CNTN5: variants seen among roughly 807,000 people sequenced by gnomAD.
CNTN5 encodes the protein contactin-5.
A neutral mutation model predicts 129.1 loss-of-function variants in CNTN5; 77 were observed. The observed-to-expected ratio is 0.60, with a 90% CI of 0.50 to 0.72. The LOEUF (loss-of-function observed/expected upper bound fraction) is 0.72. CNTN5 is among the 30% of genes least tolerant of loss of function. The pLI is 0.00. For missense variants in CNTN5, 1,478 were observed against 1,328.8 expected (o/e 1.11, Z -1.75); for synonymous variants, 509 against 465.6 (o/e 1.09, Z -1.20).
intron 3 of CNTN5, among the ~76,000 whole-genome samples, chr11:99,779,048 A>G (rs2135378108): frequency 1.3e-5 from 2 of 152,004 alleles, no homozygotes; most frequent in East Asian, 3.9e-4. Context: ...TTTTAAAAAG[A>G]CACCCATTAT....
intron 3 of CNTN5, among the ~76,000 whole-genome samples, chr11:99,698,762 G>GA (rs1215247960): frequency 1.1e-4 from 16 of 150,954 alleles, no homozygotes; most frequent in Admixed American, 6.0e-4. Context: ...AAATTAGGGG[G>GA]AAAATAGAAA....
At chr11:99,155,032 A>G (rs1489140573) in intron 1 of CNTN5, among the ~76,000 whole-genome samples, 1 of 151,904 alleles carries the variant, frequency 6.6e-6, no homozygotes, top group South Asian at 2.1e-4. Flanking sequence ...TGCCAACCCA[A>G]GTGTCTGTAG....
chr11:100,311,238 A>C (rs2138930735), intron 21 of CNTN5, among the ~76,000 whole-genome samples: 1 of 151,970 alleles, frequency 6.6e-6, no homozygotes, highest in Non-Finnish European at 1.5e-5. Flanking sequence ...ATTTGACAAT[A>C]AATTACATGT....
chr11:99,823,460 G>A (rs937138501), intron 4 of CNTN5, among the ~76,000 whole-genome samples: 1 of 151,492 alleles, frequency 6.6e-6, no homozygotes, highest in Admixed American at 6.6e-5. Flanking sequence ...TTTTCTACAA[G>A]GCCTACTTTT....
chr11:99,051,257 T>G (rs1259233670), intron 1 of CNTN5, among the ~76,000 whole-genome samples: 1 of 151,924 alleles, frequency 6.6e-6, no homozygotes, highest in East Asian at 1.9e-4. Context: ...CATTTCTAAT[T>G]TTACAACTTA....
chr11:99,025,615 A>G (rs1224707500), intron 1 of CNTN5, among the ~76,000 whole-genome samples: 2 of 151,754 alleles, frequency 1.3e-5, no homozygotes, highest in Non-Finnish European at 3.0e-5. Context: ...TGGCAGAAGC[A>G]TTCATCATGA....
At chr11:99,834,255 C>T (rs11824376) in intron 4 of CNTN5, among the ~76,000 whole-genome samples, 4,307 of 152,218 alleles carry the variant, frequency 0.028, 175 homozygotes, top group East Asian at 0.12. Context: ...GATTAGTTTG[C>T]GTTTGTAGAT....
chr11:100,109,565 A>G (rs999604687), intron 13 of CNTN5, among the ~76,000 whole-genome samples: 1 of 152,332 alleles, frequency 6.6e-6, no homozygotes, highest in Non-Finnish European at 1.5e-5. Flanking sequence ...AAAAATACTA[A>G]CTAAACTTGA....
At chr11:99,177,923 A>AAGC (rs1409574347) in intron 1 of CNTN5, among the ~76,000 whole-genome samples, 1 of 152,166 alleles carries the variant, frequency 6.6e-6, no homozygotes, top group Non-Finnish European at 1.5e-5. Flanking sequence ...TTAACATCAA[A>AAGC]AGCAGCAGCA....
chr11:99,539,484 G>T (rs1948018677), intron 2 of CNTN5, among the ~76,000 whole-genome samples: 2 of 143,510 alleles, frequency 1.4e-5, no homozygotes, highest in African/African-American at 4.9e-5. Flanking sequence ...AGCTGAAAGA[G>T]AAAACTAGTC....
chr11:100,308,367 G>A lies in CNTN5; in HGVS notation c.2629G>A (p.Ala877Thr), dbSNP rs1357706709. 6.2e-7 allele frequency: 1 copy of A among 1,610,610 alleles called. No homozygotes were observed. Among genetic ancestry groups the A allele is most frequent in the South Asian group, 1.1e-5 (1 of 90,938 alleles). Residue 877 changes from alanine to threonine, a missense_variant, in exon 21 of 25, where the codon GCT becomes ACT. Transcript: ENST00000524871. ...TATTTTCCTTCATACAGAACCCAGT[G>A]CTGCTCCCACAGATGTCAAGGCGAC... Reference protein sequence around the residue: ...VICSAEGEPSAAPTDVKATSV... With the variant: ...VICSAEGEPSTAPTDVKATSV...
Position 99,812,137 on chromosome 11 carries a change from G to A in CNTN5, c.56-7407G>A, listed in dbSNP as rs1344379726. 1.3e-5 allele frequency among the ~76,000 whole-genome samples: 2 copies of A among 152,118 alleles called. 1 individual carries two copies. On this transcript the variant is annotated intron_variant, in intron 3 of 24. Coordinates refer to ENST00000524871, the MANE Select transcript of CNTN5 (RefSeq NM_014361.4). Reference sequence around the variant, plus strand: ...ACCCTGAACAGGAATATGGAGAAAAGATGGGTACATGTTGCTCTAGCCAAT... The same window carrying A: ...ACCCTGAACAGGAATATGGAGAAAAAATGGGTACATGTTGCTCTAGCCAAT...
In CNTN5 at chr11:100,133,490, C is replaced by T. The variant is rs557914628; in HGVS notation, c.1581-57636C>T. ...AGTAAAAAGTTGAAAAATTCAGACT[C>T]CCTGTTTATCTCTAGCAACACAGCT... On this transcript the variant is annotated intron_variant, in intron 13 of 24. Transcript: ENST00000524871. Among the ~76,000 whole-genome samples, 9 of 152,192 alleles carry T rather than the reference C, an allele frequency of 5.9e-5. No homozygotes were observed. In the South Asian group the frequency reaches 1.0e-3, roughly 18 times the overall value.
chr11:100,133,039 A>G (rs1254003493), intron 13 of CNTN5, among the ~76,000 whole-genome samples: 2 of 152,134 alleles, frequency 1.3e-5, no homozygotes, highest in East Asian at 3.9e-4. Flanking sequence ...TTTAATATTA[A>G]TTTTAATGAT....
chr11:99,642,387 T>C (rs1951802710), intron 3 of CNTN5, among the ~76,000 whole-genome samples: 3 of 152,304 alleles, frequency 2.0e-5, no homozygotes, highest in African/African-American at 4.8e-5. Context: ...TCATTTGTAA[T>C]AGAAATTTTC....
intron 3 of CNTN5, among the ~76,000 whole-genome samples, chr11:99,800,970 G>A (rs1041355249): frequency 2.6e-5 from 4 of 152,130 alleles, no homozygotes; most frequent in Non-Finnish European, 4.4e-5. Context: ...TCATGAAGTT[G>A]TTAACTGATA....
chr11:99,139,798 T>C (rs1253180629), intron 1 of CNTN5, among the ~76,000 whole-genome samples: 3 of 152,170 alleles, frequency 2.0e-5, no homozygotes, highest in African/African-American at 7.2e-5. Flanking sequence ...TTTAAAATTA[T>C]GAAATTGATT....
At chr11:99,583,415 C>G (rs1010186635) in intron 3 of CNTN5, among the ~76,000 whole-genome samples, 1 of 152,180 alleles carries the variant, frequency 6.6e-6, no homozygotes, top group African/African-American at 2.4e-5. Flanking sequence ...TGTGCCCTAC[C>G]CCCAGAGGTG....
At chr11:99,327,812 G>A (rs1355340804) in intron 2 of CNTN5, among the ~76,000 whole-genome samples, 2 of 152,116 alleles carry the variant, frequency 1.3e-5, no homozygotes, top group African/African-American at 4.8e-5. Flanking sequence ...ATAATAAGAG[G>A]CAATATATAT....
Sources: gnomAD v4.1 joint callset for allele counts (sites outside exome capture counted in the v4.1 genomes callset) on GRCh38, gnomAD v4.1.1 for gene constraint, MANE v1.5 for transcripts, NCBI Gene and HGNC (gene_info 2026-07-23, HGNC 2026-07-21) for gene names.